THBS2: variants seen among roughly 807,000 people sequenced by gnomAD.
The protein encoded by THBS2 is thrombospondin-2.
Under a neutral mutation model 135.2 loss-of-function variants are expected in THBS2, and 47 were observed. The observed-to-expected ratio is 0.35, with a 90% confidence interval of 0.28 to 0.44. The LOEUF (loss-of-function observed/expected upper bound fraction) is 0.44, where lower values mean the gene tolerates loss of function less well. THBS2 is among the 20% of genes least tolerant of loss of function. The pLI is 1.00. For synonymous variants in THBS2, 639 were observed against 633.8 expected (o/e 1.01, Z -0.12); for missense variants, 1,288 against 1,603.1 (o/e 0.80, Z 3.36).
At position 169,241,811 on chromosome 6, in the gene THBS2, G is replaced by A. The variant is rs145188187; in HGVS notation, c.842C>T (p.Ser281Leu). 870 of 1,612,420 alleles carry A rather than the reference G, an allele frequency of 5.4e-4. 2 individuals carry two copies. The highest frequency in any genetic ancestry group is 6.2e-4 in the Non-Finnish European group (735 of 1,179,648). Residue 281 changes from serine to leucine, a missense_variant, in exon 5 of 22, where the codon TCG (serine) becomes TTG (leucine). Ser to Leu is a moderately radical substitution (Grantham distance 145). This residue lies in a region of THBS2 where 414 missense variants were observed against 447.0 expected (regional missense o/e 0.93). Coordinates refer to ENST00000617924, the MANE Select transcript of THBS2 (RefSeq NM_003247.5). The surrounding 1 kb of genome is among the most constrained non-coding windows in gnomAD (Gnocchi z 5.5). ...CTGGTTCACGAGGACGTGGAGCCCCGAGAGCTCCTGGACCATGTTTCCCAG... is the reference window on the plus strand; with the variant it reads ...CTGGTTCACGAGGACGTGGAGCCCCAAGAGCTCCTGGACCATGTTTCCCAG... Reference protein sequence around the residue: ...EELGNMVQELSGLHVLVNQLS... With the variant: ...EELGNMVQELLGLHVLVNQLS...
In THBS2 at chr6:169,228,273, G is replaced by A; in HGVS notation, c.2268C>T (p.Cys756=). The A allele has an allele frequency of 1.9e-6, 3 of 1,614,118 alleles. No individual in the cohort carries two copies. The highest frequency in any genetic ancestry group is 2.5e-6 in the Non-Finnish European group (3 of 1,180,010). The part of the protein sequence containing the change: ...NDGVTDEKDN[C]QLLFNPRQAD... ...CCTGGCGGGGATTGAAGAGGAGCTGGCAGTTGTCCTGGAAAACCAAGAAAG... is the reference window on the plus strand; with the variant it reads ...CCTGGCGGGGATTGAAGAGGAGCTGACAGTTGTCCTGGAAAACCAAGAAAG... Residue 756 remains cysteine, a synonymous_variant, in exon 15 of 22, where the codon TGC becomes TGT. Transcript: ENST00000617924.
rs117541960 is a variant in THBS2, at chr6:169,220,834, C to T, written c.3372-497G>A. 2.2e-4 allele frequency among the ~76,000 whole-genome samples: 33 copies of T among 152,310 alleles called. No individual in the cohort carries two copies. The East Asian group carries it at 5.0e-3, about 23-fold the overall frequency. On this transcript the variant is annotated intron_variant, in intron 20 of 21. Transcript: ENST00000617924. ...CTAGGGAAACGTTCCAGCGAGGCCA[C>T]GAGCCTGCACTTCACCCACACAGAT...
At position 169,222,206 on chromosome 6, in the gene THBS2, C is replaced by A. The variant is rs554514756; in HGVS notation, c.3264G>T (p.Thr1088=). Residue 1088 remains threonine, a synonymous_variant, in exon 19 of 22, where the codon ACG becomes ACT. Coordinates refer to ENST00000617924, the MANE Select transcript of THBS2 (RefSeq NM_003247.5). ...LRNALWHTGN[T]PGQVRTLWHD... Reference sequence around the variant, plus strand: ...GGCCAGCCAACCTCACCTGCCCCGGCGTGTTCCCCGTGTGCCACAGCGCGT... The same window carrying A: ...GGCCAGCCAACCTCACCTGCCCCGGAGTGTTCCCCGTGTGCCACAGCGCGT... 13 of 1,605,618 alleles carry A rather than the reference C, an allele frequency of 8.1e-6. No individual in the cohort carries two copies. The highest frequency in any genetic ancestry group is 1.1e-5 in the Non-Finnish European group (13 of 1,176,442).
At chr6:169,250,639 G>T in intron 2 of THBS2, 94 bp downstream of exon 2, 1 of 1,181,636 alleles carries the variant, frequency 8.5e-7, no homozygotes, top group Non-Finnish European at 1.2e-6. Context: ...GGGTAAGATT[G>T]TCCAACCACA....
intron 7 of THBS2, 35 bp from the exon 8 acceptor site, chr6:169,237,830 C>T: frequency 1.3e-6 from 2 of 1,594,494 alleles, no homozygotes; most frequent in South Asian, 1.1e-5. Context: ...GCATCAGGCC[C>T]TGCCTCACAG....
intron 14 of THBS2, among the ~76,000 whole-genome samples, chr6:169,228,686 G>C (rs903881107): frequency 6.6e-6 from 1 of 152,164 alleles, no homozygotes; most frequent in African/African-American, 2.4e-5. Context: ...CACTTTGGGA[G>C]GCCAAGGCAG....
chr6:169,218,396 GGAGATGGATGGGTGGGTGGATGGAT>G (rs1779267060), intron 21 of THBS2, among the ~76,000 whole-genome samples: 1 of 141,480 alleles, frequency 7.1e-6, no homozygotes, highest in Admixed American at 7.0e-5. Context: ...GTGGGTTGGT[GGAGATGGATGGGTGGGTGGATGGAT>G]GAGATGGATG....
intron 13 of THBS2, among the ~76,000 whole-genome samples, chr6:169,230,163 T>C (rs1255542657): frequency 6.6e-6 from 1 of 152,252 alleles, no homozygotes. Context: ...GGCTGAGAAC[T>C]TGAAATTATC....
At position 169,217,784 on chromosome 6, in the gene THBS2, C is replaced by G. The variant is rs771738977; in HGVS notation, c.*38G>C. On this transcript the variant is annotated 3_prime_UTR_variant, in exon 22 of 22. Coordinates refer to ENST00000617924, the MANE Select transcript of THBS2 (RefSeq NM_003247.5). ...GAACTGAGGTGTCTAGGGACCATGG[C>G]ATGCACAGGGCATTGCCGGAAATGC... 6.2e-7 allele frequency: 1 copy of G among 1,609,634 alleles called. No individual in the cohort carries two copies. The highest frequency in any genetic ancestry group is 1.3e-5 in the African/African-American group (1 of 74,636).
In THBS2 at chr6:169,224,656, G is replaced by T. The variant is rs115591040; in HGVS notation, c.2773+489C>A. On this transcript the variant is annotated intron_variant, in intron 17 of 21. Transcript: ENST00000617924. ...GACTTAGAGGACTGCAGCCCATCCA[G>T]CTCCTTCCTTGGGCCCCCGTGGCTA... is the stretch of plus-strand genomic sequence containing the variant. 6.9e-3 allele frequency among the ~76,000 whole-genome samples: 1,056 copies of T among 152,284 alleles called. 12 individuals carry two copies. Among genetic ancestry groups the T allele is most frequent in the African/African-American group, 0.025 (1,021 of 41,548 alleles).
rs779761275 is a variant in THBS2, at chr6:169,232,702, C to T, written c.1894G>A (p.Val632Ile). ...TTGGCTGCTTCCAGGCCGACCCCGA[C>T]GGGCTGGTTCCCTCTGTATCGGGGC... ...CPPRYRGNQP[V>I]GVGLEAAKTE... Residue 632 changes from valine (V) to isoleucine (I), a missense_variant, in exon 12 of 22, where the codon GTC becomes ATC. Physicochemically the swap from Val to Ile is conservative, Grantham distance 29. Around this residue, in one of 2 missense-constraint regions of THBS2, gnomAD observed 874 missense variants for 1,156.1 expected, o/e 0.76. Transcript: ENST00000617924. 3 of 1,612,860 alleles carry T rather than the reference C, an allele frequency of 1.9e-6. No homozygotes were observed. The highest frequency in any genetic ancestry group is 2.2e-5 in the South Asian group (2 of 90,980).
intron 4 of THBS2, 92 bp from the exon 5 acceptor site, chr6:169,242,050 C>A: frequency 1.4e-6 from 2 of 1,405,864 alleles, no homozygotes; most frequent in Non-Finnish European, 1.9e-6. Context: ...CGCCCTGGCT[C>A]CCGGAGCGGC....
At chr6:169,231,920 G>A (rs578225778) in intron 13 of THBS2, 60 bp downstream of exon 13, 92 of 1,577,594 alleles carry the variant, frequency 5.8e-5, no homozygotes, top group East Asian at 9.1e-5. Flanking sequence ...TAGCGTCCCC[G>A]GCGCCAGGAG....
chr6:169,227,777 C>T (rs1449443416), intron 15 of THBS2, among the ~76,000 whole-genome samples: 3 of 152,138 alleles, frequency 2.0e-5, no homozygotes, highest in Non-Finnish European at 4.4e-5. Flanking sequence ...CCTCCAATTG[C>T]GACCCTTAAA....
At position 169,220,263 on chromosome 6, in the gene THBS2, C is replaced by T. The variant is rs748523629; in HGVS notation, c.3446G>A (p.Arg1149Gln). Residue 1149 changes from arginine to glutamine, a missense_variant, in exon 21 of 22, where the codon CGG becomes CAG. By Grantham distance (43) the Arg-to-Gln change is conservative. Around this residue, in one of 2 missense-constraint regions of THBS2, gnomAD observed 874 missense variants for 1,156.1 expected, o/e 0.76. Coordinates refer to ENST00000617924, the MANE Select transcript of THBS2 (RefSeq NM_003247.5). The part of the protein sequence containing the change: ...PIYDQTYAGG[R>Q]LGLFVFSQEM... ...TTGAGAGAAGACAAATAGACCCAGC[C>T]GCCCGCCAGCGTAGGTTTGGTCATA... 5 of 1,613,786 alleles carry T rather than the reference C, an allele frequency of 3.1e-6. No individual in the cohort carries two copies. The highest frequency in any genetic ancestry group is 1.7e-5 in the Admixed American group (1 of 60,008).
intron 3 of THBS2, among the ~76,000 whole-genome samples, chr6:169,247,337 T>G (rs1193952751): frequency 6.6e-6 from 1 of 152,228 alleles, no homozygotes; most frequent in African/African-American, 2.4e-5. Context: ...TGGCTCTGCA[T>G]GCATTGTGTG....
rs1294661772 is a variant in THBS2, at chr6:169,221,507, G to A, written c.3294C>T (p.Asp1098=). ...AGTCCTTCCAGCCAATGTTCCTGGG[G>A]TCGTGCCATAAGGTTCGCACCTGAG... is the stretch of plus-strand genomic sequence containing the variant. The part of the protein sequence containing the change: ...TPGQVRTLWH[D]PRNIGWKDYT... Residue 1098 remains aspartate, a synonymous_variant, in exon 20 of 22, where the codon GAC becomes GAT. Transcript: ENST00000617924. The A allele has an allele frequency of 1.2e-5, 20 of 1,613,852 alleles. No homozygotes were observed. Among genetic ancestry groups the A allele is most frequent in the Non-Finnish European group, 1.7e-5 (20 of 1,180,036 alleles).
At chr6:169,247,216 T>A (rs1397206146) in intron 3 of THBS2, among the ~76,000 whole-genome samples, 1 of 152,220 alleles carries the variant, frequency 6.6e-6, no homozygotes, top group African/African-American at 2.4e-5. Flanking sequence ...CCTCTCTGAT[T>A]AATCGTGGTT....
chr6:169,235,508 C>G (rs13205350), intron 9 of THBS2, among the ~76,000 whole-genome samples: 6 of 152,084 alleles, frequency 3.9e-5, no homozygotes, highest in Admixed American at 1.3e-4. Context: ...CCATGCACTT[C>G]CCGAGCCAGG....
Sources: gnomAD v4.1 joint callset for allele counts (sites outside exome capture counted in the v4.1 genomes callset) on GRCh38, gnomAD v4.1.1 for gene constraint, gnomAD v4.1.1 regional missense constraint, Gnocchi (gnomAD v3.1) non-coding constraint, MANE v1.5 for transcripts, NCBI Gene and HGNC (gene_info 2026-07-23, HGNC 2026-07-21) for gene names.